WDTC1: variants seen among roughly 807,000 people sequenced by gnomAD.
WDTC1 encodes WD and tetratricopeptide repeats 1.
A neutral mutation model predicts 76.0 loss-of-function variants in WDTC1; 12 were observed. The observed-to-expected ratio is 0.16, with a 90% CI of 0.10 to 0.26. The LOEUF is 0.26. Ranked by LOEUF, WDTC1 falls within the 10% of genes least tolerant of loss-of-function variation. The probability of loss-of-function intolerance (pLI) is 1.00; values close to 1 mark genes in which losing one functional copy is unlikely to be tolerated. For synonymous variants in WDTC1, 326 were observed against 350.8 expected (o/e 0.93, Z 0.79); for missense variants, 511 against 908.8 (o/e 0.56, Z 5.63).
rs748135169 is a variant in WDTC1 at position 27,259,747 on chromosome 1, G to A, written c.-99-1209G>A. ...AACAAGTGGTAAGGCTAGGCCAGGCGCAGTGGCTCATGCCTGTAATCCCAG... is the reference window on the plus strand; with the variant it reads ...AACAAGTGGTAAGGCTAGGCCAGGCACAGTGGCTCATGCCTGTAATCCCAG... On this transcript the variant is annotated intron_variant, in intron 1 of 15. Transcript: ENST00000319394. Among the ~76,000 whole-genome samples the A allele has an allele frequency of 3.2e-4, 49 of 151,902 alleles. 1 individual carries two copies. Among genetic ancestry groups the A allele is most frequent in the Non-Finnish European group, 5.6e-4 (38 of 67,968 alleles).
intron 3 of WDTC1, among the ~76,000 whole-genome samples, chr1:27,276,759 G>A (rs549192442): frequency 3.3e-5 from 5 of 151,806 alleles, no homozygotes; most frequent in African/African-American, 1.2e-4. Flanking sequence ...GTGTGAAGTG[G>A]TATCTCATTG....
In WDTC1 at chr1:27,305,134, T is replaced by C. The variant is rs1270226319; in HGVS notation, c.1777T>C (p.Cys593Arg). The C allele has an allele frequency of 6.2e-7, 1 of 1,614,010 alleles. No individual in the cohort carries two copies. Among genetic ancestry groups the C allele is most frequent in the African/African-American group, 1.3e-5 (1 of 74,932 alleles). ...VNCLQPHPSY[C>R]FLATSGIDPV... ...CTGCCTGCAGCCACACCCCAGCTACTGCTTCCTGGCCACCAGTGGCATCGA... is the reference window on the plus strand; with the variant it reads ...CTGCCTGCAGCCACACCCCAGCTACCGCTTCCTGGCCACCAGTGGCATCGA... Residue 593 changes from cysteine to arginine, a missense_variant, in exon 15 of 16, where the codon TGC becomes CGC. Transcript: ENST00000319394. This position sits in a 1 kb window ranked among gnomAD's most constrained non-coding sequence, Gnocchi z 4.6.
intron 12 of WDTC1, among the ~76,000 whole-genome samples, chr1:27,298,581 A>C (rs2147988313): frequency 6.6e-6 from 1 of 152,280 alleles, no homozygotes; most frequent in African/African-American, 2.4e-5. Context: ...GACCCTTTGG[A>C]CTGAGTACAA....
chr1:27,257,302 C>T (rs569647439), intron 1 of WDTC1, among the ~76,000 whole-genome samples: 2 of 152,232 alleles, frequency 1.3e-5, no homozygotes, highest in East Asian at 3.9e-4. Flanking sequence ...TCGGGTGAAG[C>T]GTACGTAACC....
intron 11 of WDTC1, 26 bp from the exon 12 acceptor site, chr1:27,297,912 C>G (rs750676078): frequency 1.3e-6 from 2 of 1,593,154 alleles, no homozygotes; most frequent in African/African-American, 1.3e-5. Flanking sequence ...TTTGACTGTT[C>G]TGACTTGGCT....
At chr1:27,268,429 G>A (rs962121135) in intron 3 of WDTC1, among the ~76,000 whole-genome samples, 4 of 145,884 alleles carry the variant, frequency 2.7e-5, no homozygotes, top group African/African-American at 1.0e-4. Context: ...TTTGTTTGTG[G>A]TTTTTTTGTG....
chr1:27,287,603 T>C (rs2147969211), intron 5 of WDTC1, 71 bp from the exon 6 acceptor site: 1 of 1,502,148 alleles, frequency 6.7e-7, no homozygotes, highest in Middle Eastern at 2.2e-4. Context: ...GGTGCAGACA[T>C]CCAGGCTAGC....
intron 12 of WDTC1, among the ~76,000 whole-genome samples, chr1:27,299,752 G>A (rs1053675565): frequency 6.6e-6 from 1 of 152,124 alleles, no homozygotes; most frequent in African/African-American, 2.4e-5. Context: ...GGAGAGGGAT[G>A]TGCCGAGGGC....
chr1:27,248,722 T>C (rs2147911936), intron 1 of WDTC1, among the ~76,000 whole-genome samples: 1 of 152,272 alleles, frequency 6.6e-6, no homozygotes, highest in East Asian at 1.9e-4. Flanking sequence ...TGCAGTGGTG[T>C]GATCTTGGCT....
chr1:27,264,512 A>G (rs1164402685), intron 3 of WDTC1, among the ~76,000 whole-genome samples: 4 of 152,112 alleles, frequency 2.6e-5, no homozygotes, highest in Middle Eastern at 3.4e-3. Flanking sequence ...TGTCCTGTCC[A>G]TGGATAGGCC....
Position 27,306,118 on chromosome 1 carries a change from C to A in WDTC1, c.1837-68C>A. The A allele has an allele frequency of 1.3e-6, 2 of 1,570,982 alleles. No individual in the cohort carries two copies. Among genetic ancestry groups the A allele is most frequent in the African/African-American group, 1.3e-5 (1 of 74,280 alleles). ...AGTCTGTGTATTTCCCTCCCCCTCC[C>A]CTATACGTGTACCCTGGTGCCTCTC... On this transcript the variant is annotated intron_variant, in intron 15 of 15. Coordinates refer to ENST00000319394, the MANE Select transcript of WDTC1 (RefSeq NM_001276252.2). The surrounding 1 kb of genome is among the most constrained non-coding windows in gnomAD (Gnocchi z 5.0).
intron 1 of WDTC1, among the ~76,000 whole-genome samples, chr1:27,250,300 C>T (rs746539931): frequency 1.3e-5 from 2 of 151,942 alleles, no homozygotes; most frequent in Non-Finnish European, 2.9e-5. Context: ...GATTCTCCTG[C>T]CTCAGCCTCC....
At chr1:27,282,106 G>A (rs1338272685) in intron 3 of WDTC1, 133 bp from the exon 4 acceptor site, 6 of 759,722 alleles carry the variant, frequency 7.9e-6, no homozygotes, top group Non-Finnish European at 1.1e-5. Context: ...GTCCACTTTG[G>A]CCACTCACAT....
chr1:27,271,664 G>T (rs2012871535), intron 3 of WDTC1, among the ~76,000 whole-genome samples: 1 of 151,076 alleles, frequency 6.6e-6, no homozygotes, highest in Non-Finnish European at 1.5e-5. Context: ...TTGAGATGGA[G>T]TCTCACTCTG....
chr1:27,245,568 T>TG (rs968491936), intron 1 of WDTC1, among the ~76,000 whole-genome samples: 3 of 151,348 alleles, frequency 2.0e-5, no homozygotes, highest in Admixed American at 1.3e-4. Flanking sequence ...GGTTTTTTTT[T>TG]TTTGTTTGTT....
rs71584875 is a variant in WDTC1, at chr1:27,251,033, ATTTTTTT to A, written c.-99-9892_-99-9886del. Among the ~76,000 whole-genome samples, 229 of 28,634 alleles carry A rather than the reference ATTTTTTT, an allele frequency of 8.0e-3. 1 individual carries two copies. The highest frequency in any genetic ancestry group is 0.017 in the African/African-American group (200 of 11,538). 18.8% of individuals were successfully genotyped at this position (28,634 alleles called of 152,430 possible). ...TGGCGTGCACCACTACTCCTGGCTA[ATTTTTTT>A]TTTTTTTTTTTTTTTTTTTTTTTTT... On this transcript the variant is annotated intron_variant, in intron 1 of 15. Coordinates refer to ENST00000319394, the MANE Select transcript of WDTC1 (RefSeq NM_001276252.2).
intron 3 of WDTC1, among the ~76,000 whole-genome samples, chr1:27,268,775 C>T (rs770340492): frequency 1.3e-4 from 20 of 149,546 alleles, no homozygotes; most frequent in Non-Finnish European, 2.2e-4. Context: ...AGTGCAGTGG[C>T]GCAATCTTGG....
At position 27,274,173 on chromosome 1, in the gene WDTC1, C is replaced by T. The variant is rs1025139141; in HGVS notation, c.133-8066C>T. On this transcript the variant is annotated intron_variant, in intron 3 of 15. Transcript: ENST00000319394. This position sits in a 1 kb window ranked among gnomAD's most constrained non-coding sequence, Gnocchi z 4.2. ...AGGTGTGGTGGTGTGTGCTTGTACT[C>T]CCAGCTACTAGGGAGTCTAACATGG... 6.6e-6 allele frequency among the ~76,000 whole-genome samples: 1 copy of T among 151,224 alleles called. No individual in the cohort carries two copies. The highest frequency in any genetic ancestry group is 2.4e-5 in the African/African-American group (1 of 41,080).
intron 3 of WDTC1, among the ~76,000 whole-genome samples, chr1:27,264,471 C>G (rs2147936542): frequency 6.6e-6 from 1 of 151,706 alleles, no homozygotes; most frequent in South Asian, 2.1e-4. Flanking sequence ...AAACCAAAAC[C>G]AAAAACCAGA....
Sources: gnomAD v4.1 joint callset for allele counts (sites outside exome capture counted in the v4.1 genomes callset) on GRCh38, gnomAD v4.1.1 for gene constraint, Gnocchi (gnomAD v3.1) non-coding constraint, MANE v1.5 for transcripts, NCBI Gene and HGNC (gene_info 2026-07-23, HGNC 2026-07-21) for gene names.